CSMD1: variants seen among roughly 807,000 people sequenced by gnomAD.
CSMD1 encodes the protein CUB and sushi domain-containing protein 1.
In CSMD1, 213 loss-of-function variants were observed where a neutral mutation model predicts 417.5. The ratio of observed to expected loss-of-function variants is 0.51; its 90% CI spans 0.46 to 0.57. The LOEUF is 0.57. CSMD1 is among the 20% of genes least tolerant of loss of function. The pLI, the probability that CSMD1 is intolerant of heterozygous loss-of-function variation, is 0.00. For synonymous variants in CSMD1, 2,862 were observed against 1,736.8 expected, an observed-to-expected ratio of 1.65 and a Z score of -16.11; for missense variants, 6,923 against 4,529.7, an observed-to-expected ratio of 1.53 and a Z score of -15.17.
At chr8:4,265,186 G>A (rs948994501) in intron 3 of CSMD1, among the ~76,000 whole-genome samples, 6 of 151,452 alleles carry the variant, frequency 4.0e-5, no homozygotes, top group African/African-American at 1.5e-4. Flanking sequence ...TGTTTCAAAA[G>A]TAGCAAAGTG....
intron 5 of CSMD1, among the ~76,000 whole-genome samples, chr8:3,957,935 C>G (rs917395406): frequency 6.6e-6 from 1 of 152,136 alleles, no homozygotes; most frequent in Non-Finnish European, 1.5e-5. Context: ...CTCAGGGCAG[C>G]AAATCCTGCA....
intron 7 of CSMD1, among the ~76,000 whole-genome samples, chr8:3,677,876 C>T (rs998779173): frequency 6.6e-6 from 1 of 152,098 alleles, no homozygotes. Context: ...CCATTTCAGC[C>T]CTTTTTTTCC....
intron 5 of CSMD1, among the ~76,000 whole-genome samples, chr8:3,987,925 G>A (rs1275808637): frequency 6.6e-6 from 1 of 152,076 alleles, no homozygotes; most frequent in Non-Finnish European, 1.5e-5. Flanking sequence ...CACACCGAAT[G>A]GTCTCACATC....
chr8:4,015,477 A>G (rs780865050), intron 4 of CSMD1, among the ~76,000 whole-genome samples: 1 of 152,054 alleles, frequency 6.6e-6, no homozygotes, highest in East Asian at 1.9e-4. Context: ...AAGGCTTAAC[A>G]ATTAAAGAAA....
intron 41 of CSMD1, among the ~76,000 whole-genome samples, chr8:3,125,889 A>G (rs1340031819): frequency 6.6e-6 from 1 of 152,220 alleles, no homozygotes; most frequent in Non-Finnish European, 1.5e-5. Context: ...AGGCAGGAGA[A>G]TCACCTCAAC....
chr8:3,724,115 T>C lies in CSMD1; in HGVS notation c.932-15624A>G, dbSNP rs1230510419. ...ACAGCACATTAAATACGAAAGCAGA[T>C]ATGAGAAACCAGCCTCTTTCACCAT... is the stretch of plus-strand genomic sequence containing the variant. On this transcript the variant is annotated intron_variant, in intron 6 of 69. Coordinates refer to ENST00000635120, the MANE Select transcript of CSMD1 (RefSeq NM_033225.6). Among the ~76,000 whole-genome samples the C allele has an allele frequency of 3.9e-5, 2 of 51,756 alleles. 1 individual carries two copies. Among genetic ancestry groups the C allele is most frequent in the Non-Finnish European group, 2.0e-4 (2 of 9,918 alleles). The allele number at this position is 51,756 out of a possible 152,430, so 34.0% of individuals were successfully genotyped here.
rs763330206 is a variant in CSMD1, at chr8:4,054,531, T to A, written c.416-22432A>T. Among the ~76,000 whole-genome samples the A allele has an allele frequency of 7.0e-4, 106 of 152,068 alleles. 3 individuals carry two copies. Among genetic ancestry groups the A allele is most frequent in the Admixed American group, 2.6e-4 (4 of 15,258 alleles). Reference sequence around the variant, plus strand: ...GTCTACACCCTACCTCATCCAATTATCAAACATGCCTGAGATGTCCCTCTT... The same window carrying A: ...GTCTACACCCTACCTCATCCAATTAACAAACATGCCTGAGATGTCCCTCTT... On this transcript the variant is annotated intron_variant, in intron 3 of 69. Coordinates refer to ENST00000635120, the MANE Select transcript of CSMD1 (RefSeq NM_033225.6).
At position 4,032,772 on chromosome 8, in the gene CSMD1, C is replaced by T. The variant is rs115684358; in HGVS notation, c.416-673G>A. On this transcript the variant is annotated intron_variant, in intron 3 of 69. Transcript: ENST00000635120. ...TTTGACAACAGAAATACTGAATTCA[C>T]TTTCATTTTGTAAAAAAATAATAAA... Among the ~76,000 whole-genome samples the T allele has an allele frequency of 1.4e-3, 217 of 152,304 alleles. 1 individual carries two copies. The highest frequency in any genetic ancestry group is 5.1e-3 in the African/African-American group (210 of 41,576).
intron 3 of CSMD1, among the ~76,000 whole-genome samples, chr8:4,123,726 A>G (rs1030839145): frequency 8.5e-5 from 13 of 152,218 alleles, no homozygotes; most frequent in African/African-American, 3.1e-4. Flanking sequence ...GTCACATTGT[A>G]GATCATTAGA....
At chr8:3,733,565 G>A (rs4301472) in intron 6 of CSMD1, among the ~76,000 whole-genome samples, 40,392 of 151,666 alleles carry the variant, frequency 0.27, 6,100 homozygotes, top group East Asian at 0.41. Context: ...TGTAAGTTGC[G>A]GGCCATTCTT....
intron 7 of CSMD1, among the ~76,000 whole-genome samples, chr8:3,668,521 G>A (rs1344304310): frequency 2.0e-5 from 3 of 152,202 alleles, no homozygotes; most frequent in Non-Finnish European, 2.9e-5. Context: ...ACTGGGCATT[G>A]TACACCTTGG....
chr8:3,390,768 G>A (rs1256436431), intron 17 of CSMD1, among the ~76,000 whole-genome samples: 3 of 152,026 alleles, frequency 2.0e-5, no homozygotes, highest in East Asian at 3.9e-4. Context: ...TCATACGGAG[G>A]TACATTTGAT....
chr8:4,019,172 C>A (rs2130489185), intron 4 of CSMD1, among the ~76,000 whole-genome samples: 1 of 152,294 alleles, frequency 6.6e-6, no homozygotes, highest in South Asian at 2.1e-4. Context: ...CAAAAAGCAG[C>A]TCAACAGTCC....
intron 24 of CSMD1, among the ~76,000 whole-genome samples, 180 bp from the exon 25 acceptor site, chr8:3,308,001 T>G (rs1805017180): frequency 6.6e-6 from 1 of 152,218 alleles, no homozygotes. Context: ...CTGTGGAAAG[T>G]CTTTATCCTC....
chr8:3,833,793 G>A (rs568923964), intron 5 of CSMD1, among the ~76,000 whole-genome samples: 18 of 152,184 alleles, frequency 1.2e-4, no homozygotes, highest in African/African-American at 4.3e-4. Context: ...ACTTGGAAAA[G>A]AGAGGCTCAT....
At chr8:4,315,083 C>T (rs778027300) in intron 3 of CSMD1, among the ~76,000 whole-genome samples, 1 of 152,092 alleles carries the variant, frequency 6.6e-6, no homozygotes, top group Non-Finnish European at 1.5e-5. Context: ...ATGGGCATCT[C>T]GAGGGAGGGA....
intron 2 of CSMD1, among the ~76,000 whole-genome samples, chr8:4,554,056 C>A (rs1004134557): frequency 1.3e-5 from 2 of 152,156 alleles, no homozygotes; most frequent in Admixed American, 1.3e-4. Context: ...CCTGCTGTCT[C>A]GTCAGTACCA....
chr8:3,247,129 C>T (rs1424080741), intron 26 of CSMD1, among the ~76,000 whole-genome samples: 1 of 152,134 alleles, frequency 6.6e-6, no homozygotes, highest in African/African-American at 2.4e-5. Context: ...GGTGTGATGT[C>T]TCATTTGCCC....
rs990796233 is a variant in CSMD1 at position 3,500,787 on chromosome 8, G to T, written c.1345-7061C>A. On this transcript the variant is annotated intron_variant, in intron 10 of 69. Coordinates refer to ENST00000635120, the MANE Select transcript of CSMD1 (RefSeq NM_033225.6). Reference sequence around the variant, plus strand: ...GGCAAGAAAGAACAGCAGAGTTGTAGGCATGGAAGAAGCGCTAAAGTGGAT... The same window carrying T: ...GGCAAGAAAGAACAGCAGAGTTGTATGCATGGAAGAAGCGCTAAAGTGGAT... Among the ~76,000 whole-genome samples the T allele has an allele frequency of 2.0e-5, 3 of 152,162 alleles. No individual in the cohort carries two copies. In the South Asian group the frequency reaches 6.2e-4, roughly 32 times the overall value.
Sources: gnomAD v4.1 joint callset for allele counts (sites outside exome capture counted in the v4.1 genomes callset) on GRCh38, gnomAD v4.1.1 for gene constraint, MANE v1.5 for transcripts, NCBI Gene and HGNC (gene_info 2026-07-23, HGNC 2026-07-21) for gene names.